Variants in ADAM10 observed in about 807,000 individuals in gnomAD.
ADAM10 encodes the protein disintegrin and metalloproteinase domain-containing protein 10.
A neutral mutation model predicts 90.1 loss-of-function variants in ADAM10; 17 were observed. The observed-to-expected ratio is 0.19, with a 90% CI of 0.13 to 0.28. ADAM10 has a LOEUF of 0.28. Among genes scored for constraint, ADAM10 ranks in the 10% least tolerant of loss-of-function variants. The pLI is 1.00. For missense variants in ADAM10, 610 were observed against 914.3 expected (o/e 0.67, Z 4.29); for synonymous variants, 310 against 298.6 (o/e 1.04, Z -0.40).
chr15:58,633,333 T>C lies in ADAM10; in HGVS notation c.1039A>G (p.Ser347Gly). The change falls in exon 9 of 16, where the codon AGT becomes GGT. Residue 347 changes from serine to glycine, a missense_variant. By Grantham distance (56) the Ser-to-Gly change is moderately conservative. This residue lies in a region of ADAM10 where 97 missense variants were observed against 221.4 expected (regional missense o/e 0.44). Coordinates refer to ENST00000260408, the MANE Select transcript of ADAM10 (RefSeq NM_001110.4). ...SGSSGGICEKSKLYSDGKKKS... is the reference protein window; with the variant it reads ...SGSSGGICEKGKLYSDGKKKS... Reference sequence around the variant, plus strand: ...TTCTTACCATCTGAATAGAGTTTACTTTTTTCACATATTCCTCCAGAGCTT... The same window carrying C: ...TTCTTACCATCTGAATAGAGTTTACCTTTTTCACATATTCCTCCAGAGCTT... The C allele has an allele frequency of 6.2e-7, 1 of 1,613,718 alleles. No individual in the cohort carries two copies.
intron 4 of ADAM10, among the ~76,000 whole-genome samples, chr15:58,675,292 C>T (rs1406531429): frequency 1.3e-5 from 2 of 152,072 alleles, no homozygotes; most frequent in Non-Finnish European, 2.9e-5. Context: ...TGCAGCTCTT[C>T]ATATACAATT....
intron 11 of ADAM10, among the ~76,000 whole-genome samples, chr15:58,620,890 G>A (rs1437951868): frequency 1.9e-5 from 2 of 104,680 alleles, no homozygotes; most frequent in South Asian, 3.6e-4. Flanking sequence ...GGATGGTCTC[G>A]ATCTCCTGAC....
In ADAM10 at chr15:58,637,861, T is replaced by C. The variant is rs1223363776; in HGVS notation, c.1012+2916A>G. Among the ~76,000 whole-genome samples, 5 of 152,006 alleles carry C rather than the reference T, an allele frequency of 3.3e-5. No homozygotes were observed. In the East Asian group the frequency reaches 9.6e-4, roughly 29 times the overall value. ...TTCTGAACACAAGTTTCCTCATCTG[T>C]AGAAGGGAGACAATAATACCTACAC... is the stretch of plus-strand genomic sequence containing the variant. On this transcript the variant is annotated intron_variant, in intron 8 of 15. Coordinates refer to ENST00000260408, the MANE Select transcript of ADAM10 (RefSeq NM_001110.4).
intron 2 of ADAM10, among the ~76,000 whole-genome samples, chr15:58,685,757 T>C (rs1178709744): frequency 2.0e-5 from 3 of 151,744 alleles, no homozygotes; most frequent in Non-Finnish European, 4.4e-5. Context: ...CCTCATTGTA[T>C]ATCTTTTGTG....
intron 8 of ADAM10, among the ~76,000 whole-genome samples, chr15:58,635,838 T>A (rs568152618): frequency 6.6e-6 from 1 of 151,916 alleles, no homozygotes; most frequent in African/African-American, 2.4e-5. Flanking sequence ...TCTGATAATA[T>A]ACATTTTTCT....
At chr15:58,700,601 A>G (rs1013254361) in intron 2 of ADAM10, among the ~76,000 whole-genome samples, 2 of 152,228 alleles carry the variant, frequency 1.3e-5, no homozygotes, top group Admixed American at 1.3e-4. Flanking sequence ...GGAAATTTAC[A>G]GCAATAAATG....
At chr15:58,627,477 T>C (rs771688055) in intron 10 of ADAM10, among the ~76,000 whole-genome samples, 3 of 152,108 alleles carry the variant, frequency 2.0e-5, no homozygotes, top group Non-Finnish European at 4.4e-5. Flanking sequence ...ACTAAAATGT[T>C]TAGGTGTGAA....
intron 14 of ADAM10, 181 bp downstream of exon 14, chr15:58,610,116 T>C: frequency 3.0e-6 from 2 of 666,238 alleles, no homozygotes; most frequent in East Asian, 2.8e-5. Flanking sequence ...ATGATACACA[T>C]GATTCTGATC....
intron 8 of ADAM10, among the ~76,000 whole-genome samples, chr15:58,635,769 C>G (rs1443019288): frequency 6.7e-6 from 1 of 149,402 alleles, no homozygotes; most frequent in African/African-American, 2.5e-5. Context: ...TAGAAGACTC[C>G]ACACTTCAAA....
intron 8 of ADAM10, among the ~76,000 whole-genome samples, chr15:58,637,292 G>A (rs1190395157): frequency 6.6e-6 from 1 of 152,204 alleles, no homozygotes; most frequent in Non-Finnish European, 1.5e-5. Context: ...TAACTGTAGA[G>A]ATGAATTCCA....
At chr15:58,693,092 T>C (rs1367098744) in intron 2 of ADAM10, 4 of 745,616 alleles carry the variant, frequency 5.4e-6, no homozygotes, top group Non-Finnish European at 1.0e-5. Flanking sequence ...AAAATCTCCT[T>C]GTTGGAATAG....
chr15:58,715,896 G>T (rs1016000379), intron 2 of ADAM10, among the ~76,000 whole-genome samples: 3 of 152,168 alleles, frequency 2.0e-5, no homozygotes, highest in Non-Finnish European at 4.4e-5. Context: ...CCTTTTGGCA[G>T]TCAAACCATA....
chr15:58,650,463 C>A (rs1896656391), intron 5 of ADAM10, among the ~76,000 whole-genome samples: 1 of 151,970 alleles, frequency 6.6e-6, no homozygotes, highest in African/African-American at 2.4e-5. Context: ...TAATTTATAC[C>A]CTTATTCTTA....
At chr15:58,669,234 G>C (rs1394243452) in intron 4 of ADAM10, among the ~76,000 whole-genome samples, 1 of 152,150 alleles carries the variant, frequency 6.6e-6, no homozygotes, top group African/African-American at 2.4e-5. Context: ...AACTTCCCAA[G>C]TGTTAAGGTC....
intron 1 of ADAM10, among the ~76,000 whole-genome samples, chr15:58,738,781 G>A (rs1237207843): frequency 6.6e-6 from 1 of 152,110 alleles, no homozygotes; most frequent in Non-Finnish European, 1.5e-5. Context: ...AGATTTCTAT[G>A]CTGATTTGAA....
intron 4 of ADAM10, among the ~76,000 whole-genome samples, chr15:58,670,042 CAT>C (rs1421250418): frequency 4.6e-5 from 7 of 152,106 alleles, no homozygotes; most frequent in Middle Eastern, 3.4e-3. Context: ...GTTTCACAGA[CAT>C]AAACATATGT....
chr15:58,635,621 T>C (rs1030506672), intron 8 of ADAM10, among the ~76,000 whole-genome samples: 9 of 152,154 alleles, frequency 5.9e-5, no homozygotes, highest in Admixed American at 3.9e-4. Context: ...AGAAAATATA[T>C]AAATAAGTAT....
rs542156053 is a variant in ADAM10 at position 58,703,291 on chromosome 15, C to CAAA, written c.206+14283_206+14285dup. 8.9e-4 allele frequency among the ~76,000 whole-genome samples: 68 copies of CAAA among 76,298 alleles called. 1 individual carries two copies. The highest frequency in any genetic ancestry group is 5.2e-3 in the East Asian group (17 of 3,258). 50.1% of individuals were successfully genotyped at this position (76,298 alleles called of 152,430 possible). A position where few individuals can be genotyped will look rare whatever the true frequency, so the allele number is the denominator to read the frequency against. On this transcript the variant is annotated intron_variant, in intron 2 of 15. Transcript: ENST00000260408. ...CCAGGAAAACAATTTGGTATTCCCTCAAAAAAAAAAAAAAAAAAAACACAC... is the reference window on the plus strand; with the variant it reads ...CCAGGAAAACAATTTGGTATTCCCTCAAAAAAAAAAAAAAAAAAAAAAACACAC...
chr15:58,746,999 G>A (rs1899811655), intron 1 of ADAM10, among the ~76,000 whole-genome samples: 1 of 152,152 alleles, frequency 6.6e-6, no homozygotes, highest in Non-Finnish European at 1.5e-5. Flanking sequence ...CTATTGAGCA[G>A]TAATGTACAA....
Sources: gnomAD v4.1 joint callset for allele counts (sites outside exome capture counted in the v4.1 genomes callset) on GRCh38, gnomAD v4.1.1 for gene constraint, gnomAD v4.1.1 regional missense constraint, MANE v1.5 for transcripts, NCBI Gene and HGNC (gene_info 2026-07-23, HGNC 2026-07-21) for gene names.